The following RASSF2 variants were observed in gnomAD, a reference collection of about 807,000 sequenced individuals.
The protein encoded by RASSF2 is Ras association domain family member 2.
In RASSF2, 34 loss-of-function variants were observed where a neutral mutation model predicts 46.3. That is an observed-to-expected ratio of 0.73 (90% confidence interval 0.56 to 0.98). RASSF2 has a LOEUF of 0.98. Ranked by LOEUF, RASSF2 falls within the 50% of genes least tolerant of loss-of-function variation. RASSF2 has a pLI of 0.00. For missense variants in RASSF2, 364 were observed against 431.2 expected (o/e 0.84, Z 1.38); for synonymous variants, 158 against 162.5 (o/e 0.97, Z 0.21).
chr20:4,817,839 T>C (rs774085341), intron 2 of RASSF2, among the ~76,000 whole-genome samples: 14 of 152,188 alleles, frequency 9.2e-5, no homozygotes, highest in Non-Finnish European at 1.8e-4. Flanking sequence ...AAGGTTTTGT[T>C]CTTGTATAGA....
At chr20:4,808,444 G>T (rs1927518207) in intron 2 of RASSF2, among the ~76,000 whole-genome samples, 1 of 151,508 alleles carries the variant, frequency 6.6e-6, no homozygotes, top group South Asian at 2.1e-4. Flanking sequence ...GAGAAGAGGG[G>T]CAGAAAGGGG....
intron 3 of RASSF2, among the ~76,000 whole-genome samples, chr20:4,799,330 C>T (rs776999558): frequency 3.0e-4 from 45 of 152,282 alleles, no homozygotes; most frequent in Admixed American, 5.2e-4. Flanking sequence ...CCCTCATCAA[C>T]CCTGAGAATG....
chr20:4,793,020 G>A (rs1030760249), intron 5 of RASSF2: 8 of 188,496 alleles, frequency 4.2e-5, no homozygotes, highest in South Asian at 1.9e-4. Flanking sequence ...GTGGCCATTC[G>A]TTTTGCAGGG....
At chr20:4,819,193 C>T (rs567398882) in intron 2 of RASSF2, among the ~76,000 whole-genome samples, 2 of 152,238 alleles carry the variant, frequency 1.3e-5, no homozygotes, top group Non-Finnish European at 2.9e-5. Flanking sequence ...GAACTCCTGA[C>T]CTCAGGTGAT....
intron 2 of RASSF2, among the ~76,000 whole-genome samples, chr20:4,815,804 A>G (rs1928259057): frequency 6.6e-6 from 1 of 152,214 alleles, no homozygotes; most frequent in Non-Finnish European, 1.5e-5. Context: ...CTCCCAAGCC[A>G]GTGGTGCTGC....
chr20:4,788,937 C>T (rs1405916501), intron 8 of RASSF2, among the ~76,000 whole-genome samples: 1 of 152,152 alleles, frequency 6.6e-6, no homozygotes, highest in Non-Finnish European at 1.5e-5. Context: ...GAAGCAGAGG[C>T]AGGGGCAGGT....
intron 4 of RASSF2, among the ~76,000 whole-genome samples, chr20:4,796,447 C>T (rs970114795): frequency 3.9e-5 from 6 of 152,330 alleles, no homozygotes; most frequent in African/African-American, 9.6e-5. Context: ...GTTTATTCTA[C>T]AGAACACTAG....
chr20:4,784,559 T>A (rs566249801), intron 11 of RASSF2, among the ~76,000 whole-genome samples: 2 of 112,080 alleles, frequency 1.8e-5, no homozygotes, highest in East Asian at 5.7e-4. Context: ...CAAATCCAAA[T>A]TAGATTATTT....
At chr20:4,819,875 C>T (rs1885308) in intron 2 of RASSF2, among the ~76,000 whole-genome samples, 66,892 of 152,086 alleles carry the variant, frequency 0.44, 16,321 homozygotes, top group Non-Finnish European at 0.55. Context: ...TCATTTTGCC[C>T]GTTCCACAGG....
At chr20:4,813,965 A>G (rs1241939327) in intron 2 of RASSF2, among the ~76,000 whole-genome samples, 3 of 152,200 alleles carry the variant, frequency 2.0e-5, no homozygotes, top group Non-Finnish European at 2.9e-5. Context: ...CAGTTCAACC[A>G]AGTGAGACAT....
At chr20:4,805,311 G>A (rs553882501) in intron 2 of RASSF2, among the ~76,000 whole-genome samples, 4 of 152,198 alleles carry the variant, frequency 2.6e-5, no homozygotes, top group South Asian at 2.1e-4. Context: ...GAGAGAAGGC[G>A]ACGTGACAAC....
chr20:4,785,944 G>T (rs928776556), intron 11 of RASSF2, among the ~76,000 whole-genome samples: 1 of 152,176 alleles, frequency 6.6e-6, no homozygotes, highest in Non-Finnish European at 1.5e-5. Context: ...AGACCCCAAA[G>T]AAATTTTAAA....
chr20:4,815,272 A>G lies in RASSF2; in HGVS notation c.-33+7057T>C, dbSNP rs184988577. The G allele has an allele frequency of 6.7e-3, 1,021 of 152,400 alleles. 7 individuals are homozygous for G. The highest frequency in any genetic ancestry group is 0.011 in the Non-Finnish European group (774 of 68,232). 9.4% of individuals were successfully genotyped at this position (152,400 alleles called of 1,614,324 possible). A position where few individuals can be genotyped will look rare whatever the true frequency, so the allele number is the denominator to read the frequency against. On this transcript the variant is annotated intron_variant, in intron 2 of 11. Transcript: ENST00000379400. ...ACTCTGCCTCAGCAGCCCCCCAACTACGTGGCACCATGGCCCCGACTGTAC... is the reference window on the plus strand; with the variant it reads ...ACTCTGCCTCAGCAGCCCCCCAACTGCGTGGCACCATGGCCCCGACTGTAC...
At chr20:4,818,832 A>C (rs766060104) in intron 2 of RASSF2, among the ~76,000 whole-genome samples, 1 of 152,220 alleles carries the variant, frequency 6.6e-6, no homozygotes, top group Non-Finnish European at 1.5e-5. Flanking sequence ...TAGCCAGCAA[A>C]TGGTTTTCTA....
intron 2 of RASSF2, among the ~76,000 whole-genome samples, chr20:4,814,588 T>A (rs1299554375): frequency 6.6e-6 from 1 of 152,120 alleles, no homozygotes; most frequent in Non-Finnish European, 1.5e-5. Context: ...TTCCTTGGAC[T>A]TGAAAAGCAG....
chr20:4,809,658 G>A (rs1479670598), intron 2 of RASSF2, among the ~76,000 whole-genome samples: 1 of 152,228 alleles, frequency 6.6e-6, no homozygotes, highest in African/African-American at 2.4e-5. Context: ...ACACTAACCT[G>A]CTACCTTAGG....
chr20:4,788,818 G>A (rs892267051), intron 8 of RASSF2, among the ~76,000 whole-genome samples: 3 of 152,204 alleles, frequency 2.0e-5, no homozygotes, highest in African/African-American at 4.8e-5. Context: ...AACAGCTATC[G>A]TCTATTGCAA....
At chr20:4,801,089 T>A in intron 2 of RASSF2, 27 bp from the exon 3 acceptor site, 3 of 1,584,542 alleles carry the variant, frequency 1.9e-6, no homozygotes, top group Non-Finnish European at 2.6e-6. Flanking sequence ...AAGACAGAGG[T>A]TAAAGTCAAG....
At chr20:4,789,406 A>G (rs1396623527) in intron 8 of RASSF2, among the ~76,000 whole-genome samples, 190 bp downstream of exon 8, 3 of 152,148 alleles carry the variant, frequency 2.0e-5, no homozygotes, top group Admixed American at 6.6e-5. Context: ...TGAATTTCTA[A>G]CAAGCACCCA....
Sources: allele counts gnomAD v4.1 joint callset (sites outside exome capture counted in the v4.1 genomes callset), GRCh38; gene constraint gnomAD v4.1.1; transcripts MANE v1.5; gene names NCBI Gene and HGNC (gene_info 2026-07-23, HGNC 2026-07-21).